ZFPM1: variants seen among roughly 807,000 people sequenced by gnomAD.
The protein encoded by ZFPM1 is zinc finger protein ZFPM1.
ZFPM1 carries 28 observed loss-of-function variants against 46.3 expected under a neutral mutation model. The observed-to-expected ratio is 0.60, with a 90% CI of 0.45 to 0.83. ZFPM1 has a LOEUF of 0.83. Ranked by LOEUF, ZFPM1 falls within the 40% of genes least tolerant of loss-of-function variation. ZFPM1 has a pLI of 0.00. For synonymous variants in ZFPM1, 957 were observed against 675.9 expected (o/e 1.42, Z -6.45); for missense variants, 1,878 against 1,432.4 (o/e 1.31, Z -5.02).
At chr16:88,524,613 G>A (rs1394573007) in intron 4 of ZFPM1, among the ~76,000 whole-genome samples, 1 of 152,260 alleles carries the variant, frequency 6.6e-6, no homozygotes, top group African/African-American at 2.4e-5. Context: ...AAAAGCAACA[G>A]CCAGGGCTGG....
chr16:88,463,549 C>G (rs1000059386), intron 1 of ZFPM1, among the ~76,000 whole-genome samples: 2 of 152,290 alleles, frequency 1.3e-5, no homozygotes, highest in African/African-American at 2.4e-5. Context: ...TAGACGTGGC[C>G]TCACGTCCTT....
intron 2 of ZFPM1, among the ~76,000 whole-genome samples, chr16:88,486,543 G>T (rs1167529964): frequency 1.3e-5 from 2 of 151,494 alleles, no homozygotes; most frequent in African/African-American, 2.4e-5. Context: ...GGTGCTAGGT[G>T]CACAGTGGAT....
chr16:88,504,537 C>T (rs1257246448), intron 3 of ZFPM1, among the ~76,000 whole-genome samples: 1 of 152,138 alleles, frequency 6.6e-6, no homozygotes, highest in Non-Finnish European at 1.5e-5. Context: ...CTTTCAGACT[C>T]CTCAGCCCTG....
chr16:88,506,134 C>G (rs1303769817), intron 3 of ZFPM1, among the ~76,000 whole-genome samples: 5 of 152,178 alleles, frequency 3.3e-5, no homozygotes, highest in Non-Finnish European at 7.3e-5. Flanking sequence ...CCAGCAGAGG[C>G]CAGGCATCAT....
chr16:88,510,216 G>C (rs555505223), intron 3 of ZFPM1, among the ~76,000 whole-genome samples: 1 of 152,266 alleles, frequency 6.6e-6, no homozygotes, highest in South Asian at 2.1e-4. Context: ...GGCAAGCTGG[G>C]CAGAGGCAGG....
At chr16:88,482,290 C>T (rs572035157) in intron 1 of ZFPM1, among the ~76,000 whole-genome samples, 20 of 152,182 alleles carry the variant, frequency 1.3e-4, no homozygotes, top group African/African-American at 1.9e-4. Flanking sequence ...CAGACGAGAC[C>T]GGTGCTGACT....
intron 3 of ZFPM1, among the ~76,000 whole-genome samples, chr16:88,498,212 G>A (rs951578566): frequency 8.6e-5 from 13 of 151,912 alleles, no homozygotes; most frequent in Admixed American, 7.9e-4. Flanking sequence ...GGGAGCCTCA[G>A]ACCCCGCCCC....
At chr16:88,457,175 G>T (rs1198990135) in intron 1 of ZFPM1, among the ~76,000 whole-genome samples, 1 of 152,250 alleles carries the variant, frequency 6.6e-6, no homozygotes, top group Non-Finnish European at 1.5e-5. Flanking sequence ...GCTGGGTTGG[G>T]CCCAGAGGGA....
chr16:88,529,109 T>C (rs1400851136), intron 6 of ZFPM1, among the ~76,000 whole-genome samples: 1 of 152,184 alleles, frequency 6.6e-6, no homozygotes, highest in African/African-American at 2.4e-5. Context: ...GAAGATCCCA[T>C]ATCTGCCAAA....
chr16:88,474,609 C>T (rs538642151), intron 1 of ZFPM1, among the ~76,000 whole-genome samples: 7 of 152,158 alleles, frequency 4.6e-5, no homozygotes, highest in South Asian at 4.1e-4. Flanking sequence ...TCAGCGCTCT[C>T]TGCCCGGAGC....
In ZFPM1 at chr16:88,514,539, C is replaced by T. The variant is rs984922277; in HGVS notation, c.402+19C>T. The T allele has an allele frequency of 3.9e-6, 6 of 1,543,730 alleles. No homozygotes were observed. In the African/African-American group the frequency reaches 4.1e-5, roughly 11 times the overall value. On this transcript the variant is annotated intron_variant, in intron 4 of 9. Coordinates refer to ENST00000319555, the MANE Select transcript of ZFPM1 (RefSeq NM_153813.3). Reference sequence around the variant, plus strand: ...GGAGCCGGTAAGAAGCCCCCATCCCCGCCCCTGCCCGCCCACCCCAATGCA... The same window carrying T: ...GGAGCCGGTAAGAAGCCCCCATCCCTGCCCCTGCCCGCCCACCCCAATGCA...
intron 1 of ZFPM1, among the ~76,000 whole-genome samples, chr16:88,485,106 C>T (rs1398474835): frequency 1.3e-5 from 2 of 152,228 alleles, no homozygotes; most frequent in Non-Finnish European, 2.9e-5. Context: ...GAGGGAAGTG[C>T]ACGGGGACTG....
rs1913242393 is a variant in ZFPM1 at position 88,536,281 on chromosome 16, C to T, written c.*1302C>T. On this transcript the variant is annotated 3_prime_UTR_variant, in exon 10 of 10. Coordinates refer to ENST00000319555, the MANE Select transcript of ZFPM1 (RefSeq NM_153813.3). The stretch of plus-strand genomic sequence containing the variant: ...CAAACTCCTGAGCTGAAACCATCTT[C>T]CTGCCTCAGCCTCCCAAGTAGCTGG... 6.6e-6 allele frequency: 1 copy of T among 152,216 alleles called. No individual in the cohort carries two copies. The highest frequency in any genetic ancestry group is 2.1e-4 in the South Asian group (1 of 4,838). 9.4% of individuals were successfully genotyped at this position (152,216 alleles called of 1,614,324 possible).
chr16:88,493,354 G>A (rs118090537), intron 3 of ZFPM1, among the ~76,000 whole-genome samples: 19,154 of 131,632 alleles, frequency 0.15, 1,874 homozygotes, highest in East Asian at 0.23. Context: ...GACCTGTCCC[G>A]GGGTGGGGAG....
At position 88,486,062 on chromosome 16, in the gene ZFPM1, T is replaced by G; in HGVS notation, c.145+19T>G. 6.2e-7 allele frequency: 1 copy of G among 1,603,458 alleles called. No homozygotes were observed. Among genetic ancestry groups the G allele is most frequent in the Non-Finnish European group, 8.5e-7 (1 of 1,175,904 alleles). ...AGCGCAGGTGAGTCAGACTGAGCCC[T>G]CTCACCGCGCCTCCAGCCGGGGCCT... is the stretch of plus-strand genomic sequence containing the variant. On this transcript the variant is annotated intron_variant, in intron 2 of 9. Transcript: ENST00000319555.
intron 3 of ZFPM1, among the ~76,000 whole-genome samples, chr16:88,509,702 T>G: frequency 6.6e-6 from 1 of 151,834 alleles, no homozygotes; most frequent in East Asian, 1.9e-4. Context: ...GCAGAGTGGG[T>G]TCAGGAGGCA....
intron 1 of ZFPM1, among the ~76,000 whole-genome samples, chr16:88,481,671 C>T (rs1388150446): frequency 6.6e-6 from 1 of 152,070 alleles, no homozygotes; most frequent in Non-Finnish European, 1.5e-5. Context: ...CCTCCATGCA[C>T]CCTGTCCCCC....
intron 1 of ZFPM1, among the ~76,000 whole-genome samples, chr16:88,474,881 C>T (rs1313841151): frequency 2.0e-5 from 3 of 152,218 alleles, no homozygotes; most frequent in Non-Finnish European, 1.5e-5. Context: ...AGCAGCTCTT[C>T]GAGACTGATG....
At chr16:88,518,320 T>C (rs1911492616) in intron 4 of ZFPM1, among the ~76,000 whole-genome samples, 1 of 146,200 alleles carries the variant, frequency 6.8e-6, no homozygotes, top group South Asian at 2.2e-4. Flanking sequence ...TGGATAGATG[T>C]ATGGGTGGAT....
Sources: allele counts gnomAD v4.1 joint callset (sites outside exome capture counted in the v4.1 genomes callset), GRCh38; gene constraint gnomAD v4.1.1; transcripts MANE v1.5; gene names NCBI Gene and HGNC (gene_info 2026-07-23, HGNC 2026-07-21).